The following RMC1 variants were observed in gnomAD, a reference collection of about 807,000 sequenced individuals.
RMC1 encodes the protein regulator of MON1-CCZ1.
In RMC1, 44 loss-of-function variants were observed where a neutral mutation model predicts 95.5. The observed-to-expected ratio is 0.46, with a 90% CI of 0.36 to 0.59. The LOEUF is 0.59. Among genes scored for constraint, RMC1 ranks in the 20% least tolerant of loss-of-function variants. RMC1 has a pLI of 0.00. For synonymous variants in RMC1, 320 were observed against 303.6 expected (o/e 1.05, Z -0.56); for missense variants, 705 against 819.6 (o/e 0.86, Z 1.71).
chr18:23,529,038 A>G (rs2058397874), intron 14 of RMC1, 141 bp from the exon 15 acceptor site: 2 of 1,378,020 alleles, frequency 1.5e-6, no homozygotes, highest in Non-Finnish European at 1.9e-6. Flanking sequence ...CGCACAGGAA[A>G]AAGTTGTATC....
chr18:23,503,594 C>T lies in RMC1; in HGVS notation c.-25C>T, dbSNP rs991331328. 5.2e-6 allele frequency: 8 copies of T among 1,533,494 alleles called. No individual in the cohort carries two copies. The East Asian group carries it at 1.6e-4, about 31-fold the overall frequency. The allele number at this position is 1,533,494 out of a possible 1,614,324, so 95.0% of individuals were successfully genotyped here. On this transcript the variant is annotated 5_prime_UTR_variant, in exon 1 of 20. Transcript: ENST00000269221. ...CCACTCTGGCGACCGCCCCCGGGGC[C>T]CCCGCCGCGGGCGCGGCGCCCGCCA...
At chr18:23,529,328 C>A in intron 15 of RMC1, 30 bp downstream of exon 15, 1 of 1,592,968 alleles carries the variant, frequency 6.3e-7, no homozygotes, top group Non-Finnish European at 8.5e-7. Flanking sequence ...CTCTTCTGGA[C>A]TGAGAATGCT....
intron 10 of RMC1, among the ~76,000 whole-genome samples, chr18:23,521,281 G>A (rs568235528): frequency 6.6e-6 from 1 of 152,342 alleles, no homozygotes; most frequent in South Asian, 2.1e-4. Context: ...TCTTCCCTGA[G>A]CTTTAGAATG....
At chr18:23,504,798 G>T in intron 2 of RMC1, 1 of 196,058 alleles carries the variant, frequency 5.1e-6, no homozygotes, top group Non-Finnish European at 1.1e-5. Flanking sequence ...AGTGGCAGGT[G>T]GAGGAGATTC....
At chr18:23,531,503 G>C in intron 19 of RMC1, 122 bp from the exon 20 acceptor site, 1 of 1,483,368 alleles carries the variant, frequency 6.7e-7, no homozygotes, top group South Asian at 1.4e-5. Flanking sequence ...CAAAACTTAG[G>C]AAAACAATGT....
At chr18:23,529,798 G>T in intron 16 of RMC1, 86 bp downstream of exon 16, 6 of 1,311,816 alleles carry the variant, frequency 4.6e-6, no homozygotes, top group Non-Finnish European at 6.5e-6. Flanking sequence ...TGACTCATAT[G>T]CTAAGACAGG....
chr18:23,503,497 T>C (rs905736439), upstream of RMC1: 1 of 512,856 alleles, frequency 1.9e-6, no homozygotes, highest in Non-Finnish European at 3.0e-6. Context: ...GGAAGCGGCG[T>C]CCGCGCCGGG....
intron 14 of RMC1, chr18:23,528,490 A>AT (rs1263636314): frequency 4.6e-5 from 7 of 153,768 alleles, no homozygotes; most frequent in African/African-American, 1.7e-4. Context: ...CCAGGATCTG[A>AT]TTAGTCCTAG....
chr18:23,525,014 T>C lies in RMC1; in HGVS notation c.1060+532T>C, dbSNP rs529673287. Among the ~76,000 whole-genome samples the C allele has an allele frequency of 1.5e-4, 22 of 148,600 alleles. No homozygotes were observed. The South Asian group carries it at 3.8e-3, about 26-fold the overall frequency. ...CAGGCTGGAGTGCAATGGCGTGATCTTGGCTCACTGCAACCTCCGCCTCCC... is the reference window on the plus strand; with the variant it reads ...CAGGCTGGAGTGCAATGGCGTGATCCTGGCTCACTGCAACCTCCGCCTCCC... On this transcript the variant is annotated intron_variant, in intron 12 of 19. Coordinates refer to ENST00000269221, the MANE Select transcript of RMC1 (RefSeq NM_013326.5).
At chr18:23,510,133 G>A (rs1432784167) in intron 5 of RMC1, among the ~76,000 whole-genome samples, 1 of 151,786 alleles carries the variant, frequency 6.6e-6, no homozygotes, top group Non-Finnish European at 1.5e-5. Flanking sequence ...GACCAGCCAG[G>A]CCAACATGAT....
chr18:23,529,550 A>G, intron 15 of RMC1, 85 bp from the exon 16 acceptor site: 2 of 1,345,290 alleles, frequency 1.5e-6, no homozygotes, highest in Non-Finnish European at 2.1e-6. Flanking sequence ...TAAGATGGAA[A>G]CAAGGTGGGG....
At chr18:23,514,245 GT>G (rs1186209810) in intron 5 of RMC1, among the ~76,000 whole-genome samples, 1 of 152,244 alleles carries the variant, frequency 6.6e-6, no homozygotes, top group African/African-American at 2.4e-5. Flanking sequence ...GCTGGGCACG[GT>G]GGCTCATGCC....
rs375634485 is a variant in RMC1, at chr18:23,504,461, C to T, written c.179+14C>T. 88 of 1,582,598 alleles carry T rather than the reference C, an allele frequency of 5.6e-5. No individual in the cohort carries two copies. The African/African-American group carries it at 9.2e-4, about 16-fold the overall frequency. ...CATCTCATTTAGGTAATGGTATAGA[C>T]ACTTTCAGATCATTTTGTCATGTAA... is the stretch of plus-strand genomic sequence containing the variant. On this transcript the variant is annotated intron_variant, in intron 2 of 19. Transcript: ENST00000269221.
intron 3 of RMC1, 123 bp from the exon 4 acceptor site, chr18:23,507,862 C>T: frequency 1.4e-6 from 1 of 720,018 alleles, no homozygotes. Context: ...TGGTTGTCTT[C>T]AGTTATTTTC....
Position 23,524,120 on chromosome 18 carries a change from CA to C in RMC1, c.962-8del. The C allele has an allele frequency of 1.2e-6, 2 of 1,614,104 alleles. No homozygotes were observed. The highest frequency in any genetic ancestry group is 1.7e-6 in the Non-Finnish European group (2 of 1,180,018). ...CTGCATCGTTGCACTTATGTTTTCT[CA>C]ATTTGTAGGTCCTGCTGCCGTGACC... On this transcript the variant is annotated splice_polypyrimidine_tract_variant and intron_variant, in intron 10 of 19. Coordinates refer to ENST00000269221, the MANE Select transcript of RMC1 (RefSeq NM_013326.5).
intron 7 of RMC1, 97 bp from the exon 8 acceptor site, chr18:23,518,793 A>G: frequency 3.7e-6 from 4 of 1,078,284 alleles, no homozygotes; most frequent in Non-Finnish European, 5.5e-6. Context: ...TACTCCATTA[A>G]GTGAATATCT....
rs1185769761 is a variant in RMC1, at chr18:23,506,831, A to G, written c.180-139A>G. The G allele has an allele frequency of 9.6e-6, 6 of 622,178 alleles. No homozygotes were observed. In the South Asian group the frequency reaches 1.0e-4, roughly 10 times the overall value. The allele number at this position is 622,178 out of a possible 1,614,324, so 38.5% of individuals were successfully genotyped here. A position where few individuals can be genotyped will look rare whatever the true frequency, so the allele number is the denominator to read the frequency against. ...GGTAGTTTGAAAAGAGGTCCTACTG[A>G]TGGCTTCCGAAACATAATTTTAATT... On this transcript the variant is annotated intron_variant, in intron 2 of 19. Coordinates refer to ENST00000269221, the MANE Select transcript of RMC1 (RefSeq NM_013326.5).
In RMC1 at chr18:23,527,787, C is replaced by T. The variant is rs773473296; in HGVS notation, c.1190-8C>T. On this transcript the variant is annotated splice_polypyrimidine_tract_variant and splice_region_variant and intron_variant, in intron 13 of 19. Coordinates refer to ENST00000269221, the MANE Select transcript of RMC1 (RefSeq NM_013326.5). Reference sequence around the variant, plus strand: ...TTTGATCCGTGTGTGAACATTGTGCCTTTCCAGTGTTAAGTGAGTCAGACA... The same window carrying T: ...TTTGATCCGTGTGTGAACATTGTGCTTTTCCAGTGTTAAGTGAGTCAGACA... 1 of 1,611,290 alleles carries T rather than the reference C, an allele frequency of 6.2e-7. No individual in the cohort carries two copies. The highest frequency in any genetic ancestry group is 1.1e-5 in the South Asian group (1 of 91,018).
rs139003711 is a variant in RMC1 at position 23,531,138 on chromosome 18, G to A, written c.1895-487G>A. Among the ~76,000 whole-genome samples, 166 of 152,090 alleles carry A rather than the reference G, an allele frequency of 1.1e-3. No individual in the cohort carries two copies. The East Asian group carries it at 0.03, about 28-fold the overall frequency. On this transcript the variant is annotated intron_variant, in intron 19 of 19. Coordinates refer to ENST00000269221, the MANE Select transcript of RMC1 (RefSeq NM_013326.5). The stretch of plus-strand genomic sequence containing the variant: ...CCTGAGTAGTTGGGACTACAGGTGC[G>A]TGCCACCACACCCGGCTGATTTTTG...
Sources: gnomAD v4.1 joint callset for allele counts (sites outside exome capture counted in the v4.1 genomes callset) on GRCh38, gnomAD v4.1.1 for gene constraint, MANE v1.5 for transcripts, NCBI Gene and HGNC (gene_info 2026-07-23, HGNC 2026-07-21) for gene names.